The following MAPRE2 variants were observed in gnomAD, a reference collection of about 807,000 sequenced individuals.
The protein encoded by MAPRE2 is microtubule-associated protein RP/EB family member 2.
Under a neutral mutation model 43.2 loss-of-function variants are expected in MAPRE2, and 13 were observed. The observed-to-expected ratio is 0.30, with a 90% CI of 0.20 to 0.48. The LOEUF is 0.48. Among genes scored for constraint, MAPRE2 ranks in the 20% least tolerant of loss-of-function variants. MAPRE2 has a pLI of 0.99. For missense variants in MAPRE2, 161 were observed against 400.2 expected (o/e 0.40, Z 5.10); for synonymous variants, 135 against 148.8 (o/e 0.91, Z 0.68).
At chr18:35,056,822 T>G (rs945230011) in intron 1 of MAPRE2, among the ~76,000 whole-genome samples, 2 of 152,244 alleles carry the variant, frequency 1.3e-5, no homozygotes, top group Non-Finnish European at 2.9e-5. Context: ...AATTCAGTAA[T>G]GACCCCTATC....
At chr18:35,085,911 T>G (rs1367984292) in intron 2 of MAPRE2, among the ~76,000 whole-genome samples, 2 of 152,230 alleles carry the variant, frequency 1.3e-5, no homozygotes, top group Admixed American at 6.5e-5. Context: ...TCCCATTCTT[T>G]GTTGATACTA....
intron 2 of MAPRE2, among the ~76,000 whole-genome samples, chr18:35,090,200 G>C (rs1908077255): frequency 5.9e-5 from 9 of 152,092 alleles, no homozygotes; most frequent in Admixed American, 5.9e-4. Flanking sequence ...ATAAATATAT[G>C]CTGGAATTAA....
At chr18:35,046,099 C>T (rs1307802870) in intron 1 of MAPRE2, among the ~76,000 whole-genome samples, 1 of 152,142 alleles carries the variant, frequency 6.6e-6, no homozygotes, top group Non-Finnish European at 1.5e-5. Flanking sequence ...TCTTTATTTA[C>T]AGGGACCTCT....
intron 3 of MAPRE2, among the ~76,000 whole-genome samples, chr18:35,101,244 GTTCTT>G (rs1223790928): frequency 6.6e-6 from 1 of 152,040 alleles, no homozygotes; most frequent in Non-Finnish European, 1.5e-5. Context: ...TTTTGGTTTA[GTTCTT>G]TTTTTTCTAT....
chr18:35,114,521 A>T (rs924070881), intron 4 of MAPRE2, among the ~76,000 whole-genome samples: 1 of 152,206 alleles, frequency 6.6e-6, no homozygotes, highest in Non-Finnish European at 1.5e-5. Context: ...GCAGAAGTGT[A>T]TACAAAGCCA....
chr18:35,014,418 C>T (rs572730378), intron 2 of MAPRE2, among the ~76,000 whole-genome samples: 10 of 148,358 alleles, frequency 6.7e-5, no homozygotes, highest in South Asian at 2.1e-4. Context: ...CAGCAGGTCT[C>T]GGCAGTCTAT....
intron 2 of MAPRE2, among the ~76,000 whole-genome samples, chr18:35,029,952 C>G (rs2097047017): frequency 6.6e-6 from 1 of 152,080 alleles, no homozygotes; most frequent in Non-Finnish European, 1.5e-5. Flanking sequence ...AATACAAATA[C>G]CAAAAAAATG....
rs140585714 is a variant in MAPRE2, at chr18:35,019,298, T to C, written c.-8+13745T>C. On this transcript the variant is annotated intron_variant, in intron 2 of 7. Transcript: ENST00000413393. ...CATGTGCAGATGAGAAGAATGTATA[T>C]TCTGTGGTTGATGAGTGGAGTATTC... 4.8e-3 allele frequency among the ~76,000 whole-genome samples: 728 copies of C among 152,128 alleles called. 4 individuals carry two copies. The highest frequency in any genetic ancestry group is 0.016 in the African/African-American group (669 of 41,534).
At chr18:34,978,022 G>C (rs991715162) in intron 1 of MAPRE2, among the ~76,000 whole-genome samples, 14 of 152,174 alleles carry the variant, frequency 9.2e-5, no homozygotes, top group Admixed American at 7.9e-4. Flanking sequence ...CTCGGAGAAG[G>C]GGCGCTGCAG....
chr18:35,043,420 G>A (rs1278307061), intron 1 of MAPRE2, among the ~76,000 whole-genome samples: 1 of 152,170 alleles, frequency 6.6e-6, no homozygotes, highest in Non-Finnish European at 1.5e-5. Flanking sequence ...TATTACTCAT[G>A]TAAACTAACT....
At chr18:35,015,654 G>GTGTA (rs1275888274) in intron 2 of MAPRE2, among the ~76,000 whole-genome samples, 1 of 151,114 alleles carries the variant, frequency 6.6e-6, no homozygotes, top group Non-Finnish European at 1.5e-5. Context: ...GTGTGTGTGT[G>GTGTA]TGTGTGTGTG....
chr18:35,066,359 T>C (rs1031466349), intron 1 of MAPRE2, among the ~76,000 whole-genome samples: 1 of 152,208 alleles, frequency 6.6e-6, no homozygotes, highest in Non-Finnish European at 1.5e-5. Context: ...TAAAAAGATA[T>C]AAAATTTCCT....
chr18:35,087,541 A>G (rs539703703), intron 2 of MAPRE2, among the ~76,000 whole-genome samples: 2 of 152,330 alleles, frequency 1.3e-5, no homozygotes, highest in East Asian at 1.9e-4. Flanking sequence ...AAGAATTTTT[A>G]GCAACTCTTC....
chr18:35,015,284 C>G (rs1416590458), intron 2 of MAPRE2, among the ~76,000 whole-genome samples: 1 of 152,102 alleles, frequency 6.6e-6, no homozygotes, highest in African/African-American at 2.4e-5. Context: ...GATTCACCTT[C>G]ATTTCCTAAA....
chr18:35,049,473 C>T (rs554192935), intron 1 of MAPRE2, among the ~76,000 whole-genome samples: 5 of 152,202 alleles, frequency 3.3e-5, no homozygotes, highest in East Asian at 3.9e-4. Context: ...GCAGACTTAC[C>T]GAGTTCCTTT....
intron 5 of MAPRE2, among the ~76,000 whole-genome samples, chr18:35,130,418 G>C (rs1296433113): frequency 6.6e-6 from 1 of 152,150 alleles, no homozygotes; most frequent in African/African-American, 2.4e-5. Context: ...GCCACATGGG[G>C]GTGTCAGTGA....
At chr18:35,104,445 AC>A (rs1181571217) in intron 4 of MAPRE2, among the ~76,000 whole-genome samples, 1 of 152,100 alleles carries the variant, frequency 6.6e-6, no homozygotes, top group African/African-American at 2.4e-5. Context: ...TTTTTTTTCA[AC>A]TGTTCTTGTT....
At chr18:35,059,847 C>T (rs995968787) in intron 1 of MAPRE2, among the ~76,000 whole-genome samples, 4 of 152,160 alleles carry the variant, frequency 2.6e-5, no homozygotes, top group African/African-American at 2.4e-5. Context: ...AGGCTTTGCT[C>T]TGTCATTTGT....
At position 35,114,095 on chromosome 18, in the gene MAPRE2, A is replaced by G. The variant is rs558390592; in HGVS notation, c.610+11936A>G. Among the ~76,000 whole-genome samples the G allele has an allele frequency of 2.6e-5, 4 of 152,302 alleles. No individual in the cohort carries two copies. The East Asian group carries it at 7.7e-4, about 29-fold the overall frequency. On this transcript the variant is annotated intron_variant, in intron 4 of 6. Transcript: ENST00000300249. Reference sequence around the variant, plus strand: ...CTTGCCAGGGTCACACACTAGAAGGAGAGGACTTAAGATTTAAGGCCTGAC... The same window carrying G: ...CTTGCCAGGGTCACACACTAGAAGGGGAGGACTTAAGATTTAAGGCCTGAC...
Sources: gnomAD v4.1 joint callset for allele counts (sites outside exome capture counted in the v4.1 genomes callset) on GRCh38, gnomAD v4.1.1 for gene constraint, MANE v1.5 for transcripts, NCBI Gene and HGNC (gene_info 2026-07-23, HGNC 2026-07-21) for gene names.